The following ANKRD30A variants were observed in gnomAD, a reference collection of about 807,000 sequenced individuals.
ANKRD30A encodes the protein ankyrin repeat domain-containing protein 30A.
ANKRD30A carries 170 observed loss-of-function variants against 166.3 expected under a neutral mutation model. The observed-to-expected ratio is 1.02, with a 90% confidence interval of 0.90 to 1.16. ANKRD30A has a LOEUF of 1.16. Among genes scored for constraint, ANKRD30A ranks in the 50% most tolerant of loss-of-function variants. The pLI, the probability that ANKRD30A is intolerant of heterozygous loss-of-function variation, is 0.00. For synonymous variants in ANKRD30A, 564 were observed against 508.9 expected (o/e 1.11, Z -1.46); for missense variants, 1,630 against 1,518.0 (o/e 1.07, Z -1.23).
chr10:37,250,887 TTCCTC>T, the ANKRD30A span, among the ~76,000 whole-genome samples: 2 of 152,160 alleles, frequency 1.3e-5, no homozygotes, highest in Non-Finnish European at 2.9e-5. Flanking sequence ...CTAAGACACT[TTCCTC>T]TCACTTTCCC....
intron 15 of ANKRD30A, among the ~76,000 whole-genome samples, chr10:37,158,965 C>T (rs1838610334): frequency 6.6e-6 from 1 of 152,142 alleles, no homozygotes; most frequent in South Asian, 2.1e-4. Flanking sequence ...GCTGACATGA[C>T]AGTTGTGAGT....
At chr10:37,231,842 A>G (rs1256219386) in intron 35 of ANKRD30A, among the ~76,000 whole-genome samples, 162 bp downstream of exon 35, 1 of 152,060 alleles carries the variant, frequency 6.6e-6, no homozygotes, top group Non-Finnish European at 1.5e-5. Flanking sequence ...AATTTTCTAA[A>G]AGTCCCTGGA....
intron 34 of ANKRD30A, 91 bp downstream of exon 34, chr10:37,219,988 A>AAAATATAT (rs1184900142): frequency 1.6e-5 from 3 of 187,518 alleles, no homozygotes; most frequent in Non-Finnish European, 3.0e-5. Flanking sequence ...AATCTAGTTG[A>AAAATATAT]ATATATATAT....
intron 10 of ANKRD30A, 37 bp downstream of exon 10, chr10:37,149,716 T>A: frequency 6.2e-7 from 1 of 1,611,912 alleles, no homozygotes; most frequent in Non-Finnish European, 8.5e-7. Context: ...AATGACTTAT[T>A]AATTATGTAT....
chr10:37,229,887 A>C (rs1843337810), intron 34 of ANKRD30A, among the ~76,000 whole-genome samples: 1 of 151,968 alleles, frequency 6.6e-6, no homozygotes, highest in African/African-American at 2.4e-5. Flanking sequence ...ATGCATAATA[A>C]TCACATTAGG....
chr10:37,208,340 A>T (rs1842101407), intron 31 of ANKRD30A, among the ~76,000 whole-genome samples: 1 of 152,038 alleles, frequency 6.6e-6, no homozygotes, highest in South Asian at 2.1e-4. Context: ...TTCTTTCTGG[A>T]GCTGAGTAGA....
chr10:37,136,870 G>T (rs1836731420), intron 6 of ANKRD30A, among the ~76,000 whole-genome samples, 199 bp downstream of exon 6: 1 of 146,692 alleles, frequency 6.8e-6, no homozygotes. Context: ...TTGATTTTTT[G>T]GTTTATAATT....
intron 7 of ANKRD30A, 97 bp from the exon 8 acceptor site, chr10:37,144,898 G>T: frequency 2.2e-6 from 2 of 905,944 alleles, no homozygotes; most frequent in Middle Eastern, 3.2e-4. Context: ...ATAGAAGTAA[G>T]TCCACAGATT....
rs757761864 is a variant in ANKRD30A at position 37,142,076 on chromosome 10, G to C, written c.1179G>C (p.Arg393Ser). The C allele has an allele frequency of 2.5e-6, 4 of 1,610,330 alleles. No homozygotes were observed. The highest frequency in any genetic ancestry group is 3.4e-6 in the Non-Finnish European group (4 of 1,178,726). ...GGGAGAAAAAAGAAGACACACCTAGGGAAATTATGAGTCCCGCAAAAGAAA... is the reference window on the plus strand; with the variant it reads ...GGGAGAAAAAAGAAGACACACCTAGCGAAATTATGAGTCCCGCAAAAGAAA... ...IAWEKKEDTP[R>S]EIMSPAKETS... Residue 393 changes from arginine to serine, a missense_variant, in exon 7 of 36, where the codon AGG (arginine) becomes AGC (serine). Arg to Ser is a moderately radical substitution (Grantham distance 110). Transcript: ENST00000361713.
At chr10:37,206,253 T>G (rs1841987002) in intron 31 of ANKRD30A, among the ~76,000 whole-genome samples, 1 of 152,078 alleles carries the variant, frequency 6.6e-6, no homozygotes, top group Non-Finnish European at 1.5e-5. Context: ...GAAGGAAACT[T>G]GAGTGAATTC....
intron 4 of ANKRD30A, among the ~76,000 whole-genome samples, 197 bp downstream of exon 4, chr10:37,132,543 A>G (rs2132511069): frequency 6.6e-6 from 1 of 152,320 alleles, no homozygotes; most frequent in African/African-American, 2.4e-5. Flanking sequence ...CTCTTATTAT[A>G]TTGACTGATT....
chr10:37,159,391 G>T (rs565707520), intron 15 of ANKRD30A, among the ~76,000 whole-genome samples: 1 of 152,120 alleles, frequency 6.6e-6, no homozygotes, highest in African/African-American at 2.4e-5. Context: ...GATGGTGGGT[G>T]CCTGTCATCT....
At chr10:37,198,925 A>G (rs1442574132) in intron 29 of ANKRD30A, among the ~76,000 whole-genome samples, 2 of 151,980 alleles carry the variant, frequency 1.3e-5, no homozygotes, top group East Asian at 3.9e-4. Context: ...TTTGGTATAA[A>G]TTCATTTTCT....
At chr10:37,196,825 G>A (rs1841165940) in intron 27 of ANKRD30A, among the ~76,000 whole-genome samples, 1 of 152,084 alleles carries the variant, frequency 6.6e-6, no homozygotes. Flanking sequence ...GTATATCCAA[G>A]CTGATCAATT....
chr10:37,197,085 A>G (rs1841194913), intron 27 of ANKRD30A, among the ~76,000 whole-genome samples, 196 bp from the exon 28 acceptor site: 1 of 152,042 alleles, frequency 6.6e-6, no homozygotes, highest in African/African-American at 2.4e-5. Context: ...GATCTGTGAA[A>G]CCTGTATTTA....
chr10:37,199,882 A>G, intron 30 of ANKRD30A, 94 bp downstream of exon 30: 3 of 665,586 alleles, frequency 4.5e-6, no homozygotes, highest in Non-Finnish European at 7.7e-6. Context: ...ACCTCTGCAT[A>G]TGTCACCCGC....
At chr10:37,237,210 T>C (rs1003982317), downstream of ANKRD30A, among the ~76,000 whole-genome samples, 3 of 152,168 alleles carry the variant, frequency 2.0e-5, no homozygotes, top group South Asian at 2.1e-4. Flanking sequence ...CTAAAGCCCA[T>C]TTCTGGCCTG....
intron 27 of ANKRD30A, among the ~76,000 whole-genome samples, chr10:37,194,118 C>G (rs547198078): frequency 2.6e-5 from 4 of 151,868 alleles, no homozygotes; most frequent in African/African-American, 7.3e-5. Flanking sequence ...ATGGCTTGAA[C>G]GTAGGAGGCA....
intron 1 of ANKRD30A, among the ~76,000 whole-genome samples, chr10:37,127,181 T>C (rs558011479): frequency 1.6e-4 from 25 of 151,672 alleles, no homozygotes; most frequent in African/African-American, 6.0e-4. Flanking sequence ...AATTTAGAAC[T>C]TGGTAATGGT....
Sources: gnomAD v4.1 joint callset for allele counts (sites outside exome capture counted in the v4.1 genomes callset) on GRCh38, gnomAD v4.1.1 for gene constraint, MANE v1.5 for transcripts, NCBI Gene and HGNC (gene_info 2026-07-23, HGNC 2026-07-21) for gene names.